Variants in OR2L13 observed in about 807,000 individuals in gnomAD.
The protein encoded by OR2L13 is olfactory receptor 2L13.
OR2L13 carries 14 observed loss-of-function variants against 15.3 expected under a neutral mutation model. That is an observed-to-expected ratio of 0.91 (90% CI 0.60 to 1.43). The LOEUF (loss-of-function observed/expected upper bound fraction) is 1.43, where lower values mean the gene tolerates loss of function less well. OR2L13 is among the 40% of genes most tolerant of loss of function. The pLI is 0.00. For missense variants in OR2L13, 367 were observed against 387.9 expected (o/e 0.95, Z 0.45); for synonymous variants, 152 against 142.9 (o/e 1.06, Z -0.45).
the OR2L13 span, among the ~76,000 whole-genome samples, chr1:248,076,575 T>G: frequency 9.2e-5 from 14 of 152,360 alleles, no homozygotes; most frequent in South Asian, 1.9e-3. Flanking sequence ...CCTTGTAAGT[T>G]GGATTCCTAG....
the OR2L13 span, among the ~76,000 whole-genome samples, chr1:247,964,465 G>T: frequency 6.6e-6 from 1 of 152,028 alleles, no homozygotes; most frequent in Non-Finnish European, 1.5e-5. Context: ...GCACTCTATT[G>T]GAAGACTTTG....
the OR2L13 span, chr1:248,022,794 A>G: frequency 1.5e-5 from 24 of 1,613,466 alleles, no homozygotes; most frequent in Middle Eastern, 1.6e-4. Flanking sequence ...CCTCACCCCA[A>G]TGCTCAACCC....
At chr1:247,970,906 T>C in the OR2L13 span, among the ~76,000 whole-genome samples, 1 of 152,198 alleles carries the variant, frequency 6.6e-6, no homozygotes, top group Non-Finnish European at 1.5e-5. Context: ...TGGCCCTTTC[T>C]GAAAGAACCA....
chr1:248,095,838 C>G (rs1045582815), upstream of OR2L13, among the ~76,000 whole-genome samples: 14 of 150,606 alleles, frequency 9.3e-5, no homozygotes, highest in Middle Eastern at 6.8e-3. Context: ...AACTCCTGAC[C>G]TCGTGATCCG....
At chr1:247,967,235 T>G in the OR2L13 span, among the ~76,000 whole-genome samples, 26 of 152,296 alleles carry the variant, frequency 1.7e-4, no homozygotes, top group East Asian at 4.1e-3. Context: ...TTGTTTGTTT[T>G]TTTGTTTTTT....
At chr1:248,095,729 C>T (rs79995249), upstream of OR2L13, among the ~76,000 whole-genome samples, 1 of 148,898 alleles carries the variant, frequency 6.7e-6, no homozygotes, top group East Asian at 2.0e-4. Context: ...GCCTCAGCCT[C>T]CCGAGTGGAT....
the OR2L13 span, among the ~76,000 whole-genome samples, chr1:248,073,896 A>C: frequency 1.3e-5 from 2 of 152,018 alleles, no homozygotes; most frequent in African/African-American, 4.8e-5. Context: ...TAAAAAAGTA[A>C]GATGGCATCT....
chr1:247,965,261 C>T, the OR2L13 span: 1 of 1,268,604 alleles, frequency 7.9e-7, no homozygotes, highest in Admixed American at 3.0e-5. Context: ...AGTTGCCAAA[C>T]ATGTAAGTGA....
the OR2L13 span, among the ~76,000 whole-genome samples, chr1:247,945,949 T>G: frequency 6.6e-5 from 10 of 152,142 alleles, no homozygotes; most frequent in Admixed American, 3.3e-4. Context: ...TGGGTATTGT[T>G]GACATCTTAA....
chr1:248,013,482 A>G, the OR2L13 span, among the ~76,000 whole-genome samples: 1 of 152,172 alleles, frequency 6.6e-6, no homozygotes, highest in Non-Finnish European at 1.5e-5. Context: ...GTCTCAGTGG[A>G]CAATCCCCAG....
At chr1:248,096,307 C>T (rs569476988), upstream of OR2L13, among the ~76,000 whole-genome samples, 182 of 151,434 alleles carry the variant, frequency 1.2e-3, no homozygotes, top group African/African-American at 4.1e-3. Flanking sequence ...GGCGTGAACC[C>T]GGGAGGCGGA....
the OR2L13 span, chr1:248,061,133 G>A: frequency 1.9e-6 from 3 of 1,613,654 alleles, no homozygotes; most frequent in Admixed American, 3.3e-5. Flanking sequence ...TGGATCATAG[G>A]CTCGATCAAT....
chr1:248,072,139 T>C, the OR2L13 span, among the ~76,000 whole-genome samples: 2 of 151,892 alleles, frequency 1.3e-5, no homozygotes, highest in Admixed American at 6.6e-5. Context: ...TTAAAGTTCA[T>C]ATGGAACCAG....
At chr1:248,073,585 C>T in the OR2L13 span, among the ~76,000 whole-genome samples, 1 of 151,282 alleles carries the variant, frequency 6.6e-6, no homozygotes, top group Non-Finnish European at 1.5e-5. Flanking sequence ...ATGTAACTAA[C>T]CTGCACATTG....
At chr1:247,997,475 G>A in the OR2L13 span, among the ~76,000 whole-genome samples, 409 of 152,108 alleles carry the variant, frequency 2.7e-3, 1 homozygote, top group African/African-American at 8.9e-3. Flanking sequence ...CCATGTATGC[G>A]ATATTTTAAT....
chr1:247,968,590 T>C, the OR2L13 span, among the ~76,000 whole-genome samples: 3 of 143,930 alleles, frequency 2.1e-5, no homozygotes, highest in African/African-American at 7.6e-5. Context: ...TGAGAACATA[T>C]GGTGTTTGGT....
At chr1:248,058,199 A>G in the OR2L13 span, among the ~76,000 whole-genome samples, 2 of 152,262 alleles carry the variant, frequency 1.3e-5, no homozygotes, top group Non-Finnish European at 1.5e-5. Context: ...TGTTAGAAAC[A>G]TAACAAACTC....
At chr1:247,978,044 GGGTC>G in the OR2L13 span, among the ~76,000 whole-genome samples, 91 of 152,244 alleles carry the variant, frequency 6.0e-4, 1 homozygote, top group East Asian at 0.01. Context: ...TGGACTTCCT[GGGTC>G]GGGTGGGGAC....
the OR2L13 span, among the ~76,000 whole-genome samples, chr1:247,956,889 A>G: frequency 1.3e-5 from 2 of 152,176 alleles, no homozygotes; most frequent in Non-Finnish European, 2.9e-5. Context: ...GTCATCTGCA[A>G]ACAGGGACAA....
Sources: allele counts gnomAD v4.1 joint callset (sites outside exome capture counted in the v4.1 genomes callset), GRCh38; gene constraint gnomAD v4.1.1; transcripts MANE v1.5; gene names NCBI Gene and HGNC (gene_info 2026-07-23, HGNC 2026-07-21).